Variants in VWA8 observed in about 807,000 individuals in gnomAD.
The protein encoded by VWA8 is von Willebrand factor A domain-containing protein 8.
Under a neutral mutation model 241.5 loss-of-function variants are expected in VWA8, and 221 were observed. That is an observed-to-expected ratio of 0.91 (90% CI 0.82 to 1.02). The LOEUF (loss-of-function observed/expected upper bound fraction) is 1.02, where lower values mean the gene tolerates loss of function less well. Among genes scored for constraint, VWA8 ranks in the 50% least tolerant of loss-of-function variants. The probability of loss-of-function intolerance (pLI) is 0.00; values close to 1 mark genes in which losing one functional copy is unlikely to be tolerated. For synonymous variants in VWA8, 852 were observed against 827.1 expected (o/e 1.03, Z -0.52); for missense variants, 2,322 against 2,328.7 (o/e 1.00, Z 0.06).
chr13:41,837,955 T>C (rs1332275622), intron 12 of VWA8, among the ~76,000 whole-genome samples: 1 of 152,202 alleles, frequency 6.6e-6, no homozygotes. Context: ...CCTTTAGGTC[T>C]ACCACTGTCT....
intron 43 of VWA8, among the ~76,000 whole-genome samples, chr13:41,573,422 C>CA (rs2044324148): frequency 1.8e-5 from 2 of 113,868 alleles, no homozygotes; most frequent in Admixed American, 2.0e-4. Flanking sequence ...CATCTCAAAA[C>CA]AAACAAAGAA....
At chr13:41,662,265 C>T (rs1278348530) in intron 37 of VWA8, among the ~76,000 whole-genome samples, 8 of 151,980 alleles carry the variant, frequency 5.3e-5, no homozygotes, top group Non-Finnish European at 1.0e-4. Flanking sequence ...TTTTCTAATC[C>T]ATGAACTCAG....
chr13:41,633,136 T>A (rs1360013475), intron 37 of VWA8, among the ~76,000 whole-genome samples: 1 of 152,214 alleles, frequency 6.6e-6, no homozygotes, highest in Admixed American at 6.5e-5. Flanking sequence ...GATAGTACAT[T>A]TATGTATGTG....
At chr13:41,883,584 T>C (rs1251774533) in intron 8 of VWA8, 93 bp from the exon 9 acceptor site, 3 of 922,182 alleles carry the variant, frequency 3.3e-6, no homozygotes, top group Non-Finnish European at 5.0e-6. Context: ...AATTGACTTA[T>C]AAAAGTAACC....
At chr13:41,842,186 T>C (rs1415289437) in intron 12 of VWA8, among the ~76,000 whole-genome samples, 3 of 152,102 alleles carry the variant, frequency 2.0e-5, no homozygotes, top group South Asian at 4.1e-4. Context: ...AATTTTTAGG[T>C]CCTGAAATAG....
chr13:41,706,594 C>G (rs1362806950), intron 26 of VWA8, among the ~76,000 whole-genome samples: 5 of 152,136 alleles, frequency 3.3e-5, no homozygotes, highest in African/African-American at 1.2e-4. Flanking sequence ...ACTTTCTCTC[C>G]CTTGGTAAGT....
intron 43 of VWA8, among the ~76,000 whole-genome samples, chr13:41,573,018 A>G (rs1333142898): frequency 6.7e-6 from 1 of 148,264 alleles, no homozygotes; most frequent in Admixed American, 6.8e-5. Flanking sequence ...CTGGGACAGG[A>G]GAGTCGCTTG....
At chr13:41,637,718 A>G (rs1443444098) in intron 37 of VWA8, among the ~76,000 whole-genome samples, 1 of 152,198 alleles carries the variant, frequency 6.6e-6, no homozygotes, top group Non-Finnish European at 1.5e-5. Context: ...TTTAAGTATG[A>G]CTAGAATTTT....
chr13:41,714,033 G>A (rs993774666), intron 26 of VWA8, among the ~76,000 whole-genome samples: 1 of 151,972 alleles, frequency 6.6e-6, no homozygotes, highest in Admixed American at 6.6e-5. Flanking sequence ...AACACATACA[G>A]TCACAGGAAA....
At chr13:41,573,483 A>C (rs1302919405) in intron 43 of VWA8, among the ~76,000 whole-genome samples, 2 of 128,588 alleles carry the variant, frequency 1.6e-5, no homozygotes, top group Admixed American at 1.7e-4. Flanking sequence ...TTAAAAAAAA[A>C]AAAATATATA....
At chr13:41,793,582 G>A (rs1388448151) in intron 17 of VWA8, among the ~76,000 whole-genome samples, 2 of 152,146 alleles carry the variant, frequency 1.3e-5, no homozygotes, top group Non-Finnish European at 2.9e-5. Context: ...GGGAGGACAA[G>A]GCGGGTGGAT....
At chr13:41,829,530 T>TACACAC (rs71096546) in intron 14 of VWA8, among the ~76,000 whole-genome samples, 14,418 of 139,602 alleles carry the variant, frequency 0.1, 652 homozygotes, top group Non-Finnish European at 0.13. Context: ...GGAAATGTGA[T>TACACAC]ACACACACAC....
chr13:41,592,298 A>T, intron 40 of VWA8, among the ~76,000 whole-genome samples: 1 of 118,808 alleles, frequency 8.4e-6, no homozygotes, highest in East Asian at 2.5e-4. Flanking sequence ...GGGGAACATC[A>T]CACTCTGGGG....
At chr13:41,722,022 T>C (rs1320685446) in intron 24 of VWA8, among the ~76,000 whole-genome samples, 2 of 152,182 alleles carry the variant, frequency 1.3e-5, no homozygotes, top group African/African-American at 2.4e-5. Flanking sequence ...AATGGGAATA[T>C]ATATTTCAAA....
At chr13:41,881,991 G>A (rs947196086) in intron 9 of VWA8, among the ~76,000 whole-genome samples, 2 of 150,840 alleles carry the variant, frequency 1.3e-5, no homozygotes, top group African/African-American at 4.9e-5. Context: ...GGACGGAGGG[G>A]CTCCTCACTT....
At chr13:41,713,844 G>A (rs559565010) in intron 26 of VWA8, among the ~76,000 whole-genome samples, 33 of 152,118 alleles carry the variant, frequency 2.2e-4, no homozygotes, top group Non-Finnish European at 4.7e-4. Flanking sequence ...AGTAGAGATG[G>A]GAAAGAAGTG....
At chr13:41,878,052 T>G (rs576398520) in intron 9 of VWA8, among the ~76,000 whole-genome samples, 1 of 152,034 alleles carries the variant, frequency 6.6e-6, no homozygotes, top group East Asian at 1.9e-4. Context: ...AATTAAGTAA[T>G]TACACTAAAA....
intron 4 of VWA8, among the ~76,000 whole-genome samples, chr13:41,898,653 G>A (rs1337278832): frequency 3.9e-5 from 6 of 152,218 alleles, no homozygotes; most frequent in Admixed American, 1.3e-4. Flanking sequence ...CGGGAGGCTC[G>A]GGCTGCACAG....
At chr13:41,676,646 T>G (rs1046953615) in intron 35 of VWA8, among the ~76,000 whole-genome samples, 1 of 152,164 alleles carries the variant, frequency 6.6e-6, no homozygotes, top group Non-Finnish European at 1.5e-5. Context: ...TTGTTTGTTT[T>G]TTGGAGACAG....
Sources: allele counts gnomAD v4.1 joint callset (sites outside exome capture counted in the v4.1 genomes callset), GRCh38; gene constraint gnomAD v4.1.1; transcripts MANE v1.5; gene names NCBI Gene and HGNC (gene_info 2026-07-23, HGNC 2026-07-21).